The following SYT16 variants were observed in gnomAD, a reference collection of about 807,000 sequenced individuals.
SYT16 encodes synaptotagmin-16.
SYT16 carries 42 observed loss-of-function variants against 61.4 expected under a neutral mutation model. The ratio of observed to expected loss-of-function variants is 0.68; its 90% confidence interval spans 0.53 to 0.89. The LOEUF is 0.89. Among genes scored for constraint, SYT16 ranks in the 40% least tolerant of loss-of-function variants. The pLI, the probability that SYT16 is intolerant of heterozygous loss-of-function variation, is 0.00. For synonymous variants in SYT16, 314 were observed against 302.3 expected (o/e 1.04, Z -0.40); for missense variants, 804 against 807.3 (o/e 1.00, Z 0.05).
At position 61,944,849 on chromosome 14, in the gene SYT16, C is replaced by T. The variant is rs140052447; in HGVS notation, c.-324-25283C>T. The stretch of plus-strand genomic sequence containing the variant: ...ATGGCCAAAGACTTCAAGACTAAAA[C>T]ACCAAAAGCAATGGCAACAAAAACC... On this transcript the variant is annotated intron_variant, in intron 1 of 7. Coordinates refer to ENST00000683842, the MANE Select transcript of SYT16 (RefSeq NM_001367656.1). Among the ~76,000 whole-genome samples, 259 of 152,294 alleles carry T rather than the reference C, an allele frequency of 1.7e-3. 1 individual carries two copies. The highest frequency in any genetic ancestry group is 5.8e-3 in the African/African-American group (242 of 41,556).
intron 3 of SYT16, among the ~76,000 whole-genome samples, chr14:61,998,589 C>T (rs979029324): frequency 1.6e-4 from 25 of 151,922 alleles, no homozygotes; most frequent in African/African-American, 6.0e-4. Flanking sequence ...GTTGATTGAT[C>T]AGTTGAGGAA....
At chr14:62,041,687 A>G (rs1455557625) in intron 3 of SYT16, among the ~76,000 whole-genome samples, 2 of 152,006 alleles carry the variant, frequency 1.3e-5, no homozygotes, top group Non-Finnish European at 2.9e-5. Context: ...TTATATTTTT[A>G]GTAGAGTTGG....
At chr14:61,867,962 C>G (rs2047212142) in intron 1 of SYT16, among the ~76,000 whole-genome samples, 1 of 152,012 alleles carries the variant, frequency 6.6e-6, no homozygotes, top group Non-Finnish European at 1.5e-5. Flanking sequence ...TGTTGAATTA[C>G]ATTGAGTTTT....
chr14:61,915,293 CATTT>C (rs2049078382), intron 1 of SYT16, among the ~76,000 whole-genome samples: 2 of 151,970 alleles, frequency 1.3e-5, no homozygotes, highest in Non-Finnish European at 2.9e-5. Context: ...AGATACTTAA[CATTT>C]GAAGAAGATT....
chr14:62,039,584 T>C (rs2054635486), intron 3 of SYT16, among the ~76,000 whole-genome samples: 2 of 152,116 alleles, frequency 1.3e-5, no homozygotes, highest in Admixed American at 1.3e-4. Context: ...CAAGATGATA[T>C]ATATTTATAT....
At chr14:61,995,722 A>G (rs576904378) in intron 2 of SYT16, 154 bp from the exon 3 acceptor site, 12 of 291,414 alleles carry the variant, frequency 4.1e-5, no homozygotes, top group African/African-American at 2.4e-4. Flanking sequence ...ATCTACATCT[A>G]GACTTTCACA....
At chr14:61,883,398 C>T (rs2047774310) in intron 1 of SYT16, among the ~76,000 whole-genome samples, 1 of 152,152 alleles carries the variant, frequency 6.6e-6, no homozygotes, top group African/African-American at 2.4e-5. Context: ...TTTATAGTTC[C>T]ACAGATCTCT....
intron 1 of SYT16, among the ~76,000 whole-genome samples, chr14:61,901,948 G>A (rs2048537792): frequency 6.6e-6 from 1 of 151,886 alleles, no homozygotes; most frequent in Non-Finnish European, 1.5e-5. Flanking sequence ...TTTTAGTAGA[G>A]ACAAGGTTTC....
chr14:62,038,536 G>A (rs574145597), intron 3 of SYT16, among the ~76,000 whole-genome samples: 22 of 152,228 alleles, frequency 1.4e-4, no homozygotes, highest in African/African-American at 5.1e-4. Flanking sequence ...ATCAACAGTG[G>A]CACATATTCC....
At chr14:62,030,504 A>G (rs2054273780) in intron 3 of SYT16, among the ~76,000 whole-genome samples, 1 of 152,242 alleles carries the variant, frequency 6.6e-6, no homozygotes, top group Non-Finnish European at 1.5e-5. Flanking sequence ...AGAGATACAT[A>G]GAACTACACC....
At chr14:61,971,219 C>T (rs2051540074) in intron 2 of SYT16, among the ~76,000 whole-genome samples, 1 of 152,166 alleles carries the variant, frequency 6.6e-6, no homozygotes, top group South Asian at 2.1e-4. Flanking sequence ...GGCATATTAT[C>T]TACTGCTTAT....
At chr14:61,953,405 A>G (rs1484208093) in intron 1 of SYT16, among the ~76,000 whole-genome samples, 1 of 152,086 alleles carries the variant, frequency 6.6e-6, no homozygotes, top group Non-Finnish European at 1.5e-5. Context: ...TGAAAACTTC[A>G]ACCTCCATAT....
chr14:61,964,131 G>A (rs374743760), intron 1 of SYT16, among the ~76,000 whole-genome samples: 14 of 152,248 alleles, frequency 9.2e-5, no homozygotes, highest in South Asian at 8.3e-4. Context: ...CATCCACTCT[G>A]CAGCCAATGG....
intron 1 of SYT16, among the ~76,000 whole-genome samples, chr14:61,839,400 C>T (rs997999369): frequency 6.6e-6 from 1 of 152,162 alleles, no homozygotes; most frequent in Non-Finnish European, 1.5e-5. Context: ...TTCCATTCTT[C>T]GTAAACTACC....
At chr14:61,829,779 C>T (rs550611770) in intron 1 of SYT16, among the ~76,000 whole-genome samples, 2 of 152,170 alleles carry the variant, frequency 1.3e-5, no homozygotes, top group African/African-American at 2.4e-5. Flanking sequence ...CTCAGCCTCC[C>T]GAGTAGCTGG....
chr14:62,106,884 C>T lies in SYT16; in HGVS notation c.*6177C>T, dbSNP rs898755317. ...CATAGGCAGTCATGGAGATCTGAGG[C>T]CTTTCTTGGAATGAAGCCGCTAACT... On this transcript the variant is annotated 3_prime_UTR_variant, in exon 8 of 8. Coordinates refer to ENST00000683842, the MANE Select transcript of SYT16 (RefSeq NM_001367656.1). The T allele has an allele frequency of 1.3e-5, 2 of 152,102 alleles. No individual in the cohort carries two copies. Among genetic ancestry groups the T allele is most frequent in the African/African-American group, 4.8e-5 (2 of 41,412 alleles). 9.4% of individuals were successfully genotyped at this position (152,102 alleles called of 1,614,324 possible). A position where few individuals can be genotyped will look rare whatever the true frequency, so the allele number is the denominator to read the frequency against.
intron 1 of SYT16, among the ~76,000 whole-genome samples, chr14:61,905,566 A>G (rs1401689946): frequency 6.6e-6 from 1 of 152,142 alleles, no homozygotes; most frequent in Non-Finnish European, 1.5e-5. Flanking sequence ...AACCCAGCCT[A>G]TGGCAACCTT....
intron 1 of SYT16, among the ~76,000 whole-genome samples, chr14:61,901,023 G>A (rs1236112245): frequency 6.6e-6 from 1 of 152,160 alleles, no homozygotes; most frequent in Non-Finnish European, 1.5e-5. Context: ...GGTCTTGGAA[G>A]GGTTCTGTGA....
intron 1 of SYT16, among the ~76,000 whole-genome samples, chr14:61,946,280 A>G (rs2050432448): frequency 1.3e-5 from 2 of 152,224 alleles, no homozygotes; most frequent in Non-Finnish European, 2.9e-5. Context: ...CAAGGAAATA[A>G]CACAGAAACA....
Sources: allele counts gnomAD v4.1 joint callset (sites outside exome capture counted in the v4.1 genomes callset), GRCh38; gene constraint gnomAD v4.1.1; transcripts MANE v1.5; gene names NCBI Gene and HGNC (gene_info 2026-07-23, HGNC 2026-07-21).